The following ZMIZ1 variants were observed in gnomAD, a reference collection of about 807,000 sequenced individuals.
ZMIZ1 encodes zinc finger MIZ domain-containing protein 1.
A neutral mutation model predicts 113.9 loss-of-function variants in ZMIZ1; 17 were observed. The observed-to-expected ratio is 0.15, with a 90% CI of 0.10 to 0.22. ZMIZ1 has a LOEUF of 0.22. Among genes scored for constraint, ZMIZ1 ranks in the 10% least tolerant of loss-of-function variants. The pLI is 1.00. For missense variants in ZMIZ1, 1,059 were observed against 1,477.8 expected, an observed-to-expected ratio of 0.72 and a Z score of 4.65; for synonymous variants, 607 against 603.1, an observed-to-expected ratio of 1.01 and a Z score of -0.09.
chr10:79,307,487 GC>G lies in ZMIZ1; in HGVS notation c.2758del (p.Gln920SerfsTer87). The G allele has an allele frequency of 2.1e-5, 34 of 1,604,676 alleles. No homozygotes were observed. The highest frequency in any genetic ancestry group is 4.5e-5 in the East Asian group (2 of 44,552). On this transcript the variant is annotated frameshift_variant, in exon 23 of 25. Coordinates refer to ENST00000334512, the MANE Select transcript of ZMIZ1 (RefSeq NM_020338.4). LOFTEE classifies it high-confidence loss of function. Reference sequence around the variant, plus strand: ...CATCCATGAATGACTTCATGCACGGGCCCCCCCAGCTCTCCCACCCCCCGGA... The same window carrying G: ...CATCCATGAATGACTTCATGCACGGGCCCCCCAGCTCTCCCACCCCCCGGA... Reference protein sequence around the residue: ...GTSMNDFMHGPPQLSHPPDMP... With the variant: ...GTSMNDFMHGXPQLSHPPDMP...
chr10:79,145,165 C>T (rs1845429335), intron 3 of ZMIZ1, among the ~76,000 whole-genome samples: 1 of 151,782 alleles, frequency 6.6e-6, no homozygotes, highest in East Asian at 1.9e-4. Context: ...TTCCTTTCTT[C>T]TCTCTATTCC....
At chr10:79,270,890 A>T (rs575982910) in intron 7 of ZMIZ1, among the ~76,000 whole-genome samples, 1 of 152,266 alleles carries the variant, frequency 6.6e-6, no homozygotes, top group African/African-American at 2.4e-5. Flanking sequence ...AAAGATGGCC[A>T]CTATTGAGGG....
intron 7 of ZMIZ1, among the ~76,000 whole-genome samples, chr10:79,253,168 A>G (rs1850655416): frequency 6.6e-6 from 1 of 152,220 alleles, no homozygotes; most frequent in Non-Finnish European, 1.5e-5. Flanking sequence ...GTTGATGAAG[A>G]GAAATATAAG....
chr10:79,250,523 C>G (rs1375771449), intron 7 of ZMIZ1, among the ~76,000 whole-genome samples: 1 of 152,238 alleles, frequency 6.6e-6, no homozygotes, highest in Non-Finnish European at 1.5e-5. Context: ...GTAAGCGTGG[C>G]CGGCACCCAC....
chr10:79,305,067 T>G, intron 19 of ZMIZ1, 97 bp from the exon 20 acceptor site: 1 of 1,388,752 alleles, frequency 7.2e-7, no homozygotes, highest in Non-Finnish European at 1.0e-6. Flanking sequence ...AGCCTATCTT[T>G]CTCTCTGGTG....
chr10:79,088,391 C>A (rs1842880637), intron 1 of ZMIZ1, among the ~76,000 whole-genome samples: 1 of 152,174 alleles, frequency 6.6e-6, no homozygotes, highest in Admixed American at 6.5e-5. Context: ...CCAGGCGAGT[C>A]TGTGGGCAAA....
At chr10:79,147,403 C>T (rs1412247604) in intron 3 of ZMIZ1, among the ~76,000 whole-genome samples, 4 of 152,156 alleles carry the variant, frequency 2.6e-5, no homozygotes, top group Non-Finnish European at 5.9e-5. Context: ...CACATGGGCA[C>T]AACCACCATG....
In ZMIZ1 at chr10:79,215,302, C is replaced by CTTTTT. The variant is rs57758020; in HGVS notation, c.175-856_175-852dup. 1.4e-3 allele frequency among the ~76,000 whole-genome samples: 201 copies of CTTTTT among 140,116 alleles called. 1 individual carries two copies. The highest frequency in any genetic ancestry group is 2.3e-3 in the South Asian group (10 of 4,426). The allele number at this position is 140,116 out of a possible 152,430, so 91.9% of individuals were successfully genotyped here. The stretch of plus-strand genomic sequence containing the variant: ...GGAAGCAGCTTGTTCTAAATCACCG[C>CTTTTT]TTTTTTTTTTTTTTTGAGAAGGAGT... On this transcript the variant is annotated intron_variant, in intron 6 of 24. Coordinates refer to ENST00000334512, the MANE Select transcript of ZMIZ1 (RefSeq NM_020338.4).
At position 79,315,264 on chromosome 10, in the gene ZMIZ1, C is replaced by T. The variant is rs1201118736; in HGVS notation, c.*2515C>T. 1 of 152,924 alleles carries T rather than the reference C, an allele frequency of 6.5e-6. No homozygotes were observed. Among genetic ancestry groups the T allele is most frequent in the Admixed American group, 6.5e-5 (1 of 15,276 alleles). 9.5% of individuals were successfully genotyped at this position (152,924 alleles called of 1,614,324 possible). ...TGGAGACAAGCTCTTCCGGAGTGCT[C>T]TGGGAGCCAGGCCAGGGTGTGAGGG... On this transcript the variant is annotated 3_prime_UTR_variant, in exon 25 of 25. Coordinates refer to ENST00000334512, the MANE Select transcript of ZMIZ1 (RefSeq NM_020338.4).
rs1851196866 is a variant in ZMIZ1, at chr10:79,260,363, TAGAG to T, written c.281-16817_281-16814del. Among the ~76,000 whole-genome samples the T allele has an allele frequency of 4.6e-5, 7 of 151,768 alleles. No homozygotes were observed. In the South Asian group the frequency reaches 1.5e-3, roughly 32 times the overall value. Reference sequence around the variant, plus strand: ...AGAACAATGAGGCAGGGGAGGAAAATAGAGGGAGTCGGTGGTGGGGAGGTACGAC... The same window carrying T: ...AGAACAATGAGGCAGGGGAGGAAAATGGAGTCGGTGGTGGGGAGGTACGAC... On this transcript the variant is annotated intron_variant, in intron 7 of 24. Coordinates refer to ENST00000334512, the MANE Select transcript of ZMIZ1 (RefSeq NM_020338.4).
At chr10:79,112,283 G>A (rs1457252545) in intron 1 of ZMIZ1, among the ~76,000 whole-genome samples, 1 of 152,192 alleles carries the variant, frequency 6.6e-6, no homozygotes, top group African/African-American at 2.4e-5. Context: ...TCTGTGCCAG[G>A]TCGGACCCAC....
intron 7 of ZMIZ1, among the ~76,000 whole-genome samples, chr10:79,216,839 C>T (rs1848751675): frequency 6.6e-6 from 1 of 152,270 alleles, no homozygotes; most frequent in African/African-American, 2.4e-5. Context: ...TTCCGTATTG[C>T]AACTTTGTCA....
intron 4 of ZMIZ1, among the ~76,000 whole-genome samples, chr10:79,165,977 T>C (rs1177067226): frequency 0.035 from 875 of 25,216 alleles, no homozygotes; most frequent in Middle Eastern, 0.071. Context: ...TGTGTGTGTG[T>C]GTGTGTGTGT....
At chr10:79,187,399 G>A (rs1034328250) in intron 4 of ZMIZ1, among the ~76,000 whole-genome samples, 1 of 152,256 alleles carries the variant, frequency 6.6e-6, no homozygotes, top group African/African-American at 2.4e-5. Flanking sequence ...CTGCCCAGCT[G>A]TGTGACCTTG....
intron 1 of ZMIZ1, among the ~76,000 whole-genome samples, chr10:79,109,969 G>T (rs1843681269): frequency 6.6e-6 from 1 of 152,238 alleles, no homozygotes; most frequent in Non-Finnish European, 1.5e-5. Flanking sequence ...AAGGTCAGAT[G>T]AGAAAAAGGT....
At chr10:79,212,505 G>T (rs1236145178) in intron 6 of ZMIZ1, among the ~76,000 whole-genome samples, 2 of 152,084 alleles carry the variant, frequency 1.3e-5, no homozygotes, top group African/African-American at 4.8e-5. Flanking sequence ...GCTGGGCATG[G>T]TGGCTCATGC....
intron 1 of ZMIZ1, among the ~76,000 whole-genome samples, chr10:79,114,490 TGTGC>T (rs780994480): frequency 0.17 from 16,736 of 100,444 alleles, 1,084 homozygotes; most frequent in Admixed American, 0.23. Context: ...TGTGTGTGTG[TGTGC>T]GTGTGTGTGT....
intron 2 of ZMIZ1, among the ~76,000 whole-genome samples, chr10:79,119,866 C>T (rs779854331): frequency 1.4e-4 from 22 of 152,116 alleles, no homozygotes; most frequent in Non-Finnish European, 2.8e-4. Context: ...TCTTTCCCTC[C>T]GCCCCTCAAG....
chr10:79,077,515 GA>G (rs1486336021), intron 1 of ZMIZ1, among the ~76,000 whole-genome samples: 2 of 151,882 alleles, frequency 1.3e-5, no homozygotes, highest in Non-Finnish European at 2.9e-5. Flanking sequence ...GTTTTCCATC[GA>G]AAAATGGTGT....
Sources: gnomAD v4.1 joint callset for allele counts (sites outside exome capture counted in the v4.1 genomes callset) on GRCh38, gnomAD v4.1.1 for gene constraint, MANE v1.5 for transcripts, NCBI Gene and HGNC (gene_info 2026-07-23, HGNC 2026-07-21) for gene names.